The following MOB3A variants were observed in gnomAD, a reference collection of about 807,000 sequenced individuals.
MOB3A encodes the protein MOB LAK.
In MOB3A, 17 loss-of-function variants were observed where a neutral mutation model predicts 17.8. The ratio of observed to expected loss-of-function variants is 0.95; its 90% confidence interval spans 0.65 to 1.43. The LOEUF is 1.43. Ranked by LOEUF, MOB3A falls within the 40% of genes most tolerant of loss-of-function variation. The pLI, the probability that MOB3A is intolerant of heterozygous loss-of-function variation, is 0.00. For synonymous variants in MOB3A, 124 were observed against 133.2 expected, an observed-to-expected ratio of 0.93 and a Z score of 0.48; for missense variants, 333 against 310.8, an observed-to-expected ratio of 1.07 and a Z score of -0.54.
chr19:2,085,682 G>C (rs2144931677), intron 1 of MOB3A: 1 of 152,302 alleles, frequency 6.6e-6, no homozygotes, highest in South Asian at 2.1e-4. Flanking sequence ...TGCTAAAAAA[G>C]GCGCTGGGCG....
intron 1 of MOB3A, among the ~76,000 whole-genome samples, chr19:2,087,815 A>G (rs2017569930): frequency 6.6e-6 from 1 of 152,244 alleles, no homozygotes; most frequent in Non-Finnish European, 1.5e-5. Context: ...CCAAGCTACC[A>G]TCCCAACCCA....
At chr19:2,092,551 C>G (rs1470692087) in intron 1 of MOB3A, among the ~76,000 whole-genome samples, 1 of 151,890 alleles carries the variant, frequency 6.6e-6, no homozygotes, top group Admixed American at 6.6e-5. Context: ...CTGAGGCAGG[C>G]AGACTGCCTG....
At chr19:2,076,458 A>AAAC (rs1568251328) in intron 4 of MOB3A, among the ~76,000 whole-genome samples, 66 of 152,070 alleles carry the variant, frequency 4.3e-4, no homozygotes, top group Non-Finnish European at 7.8e-4. Context: ...AACAAACAAA[A>AAAC]AAAGTCGGGG....
intron 4 of MOB3A, 66 bp from the exon 5 acceptor site, chr19:2,073,490 G>A: frequency 1.2e-6 from 2 of 1,602,600 alleles, no homozygotes; most frequent in South Asian, 1.1e-5. Flanking sequence ...GCGAACAGCA[G>A]ACACACGGAG....
intron 2 of MOB3A, among the ~76,000 whole-genome samples, chr19:2,080,672 G>C (rs924778941): frequency 3.3e-5 from 5 of 152,132 alleles, no homozygotes; most frequent in Non-Finnish European, 7.3e-5. Context: ...CACCGCGCCC[G>C]GCTGTGTTGC....
At chr19:2,077,325 C>T (rs2017425219) in intron 3 of MOB3A, among the ~76,000 whole-genome samples, 1 of 151,890 alleles carries the variant, frequency 6.6e-6, no homozygotes, top group African/African-American at 2.4e-5. Flanking sequence ...TCGCTTGAAC[C>T]TGGGAGGTAG....
chr19:2,074,515 G>A (rs1400660606), intron 4 of MOB3A, among the ~76,000 whole-genome samples: 2 of 151,930 alleles, frequency 1.3e-5, no homozygotes, highest in African/African-American at 2.4e-5. Flanking sequence ...GCCTGAAAGG[G>A]GATGCACAAA....
intron 3 of MOB3A, among the ~76,000 whole-genome samples, chr19:2,077,543 C>G (rs1011338901): frequency 2.0e-5 from 3 of 152,108 alleles, no homozygotes; most frequent in African/African-American, 7.2e-5. Context: ...GGCAGGGGGT[C>G]CCGCCAACGG....
chr19:2,077,265 G>A (rs2017424246), intron 3 of MOB3A, among the ~76,000 whole-genome samples: 1 of 152,108 alleles, frequency 6.6e-6, no homozygotes, highest in Non-Finnish European at 1.5e-5. Context: ...AGCCGGGTGT[G>A]GTGGCTCATG....
chr19:2,082,301 G>A lies in MOB3A; in HGVS notation c.-120+2874C>T, dbSNP rs1240859082. On this transcript the variant is annotated intron_variant, in intron 2 of 4. Coordinates refer to ENST00000357066, the MANE Select transcript of MOB3A (RefSeq NM_130807.3). This position sits in a 1 kb window ranked among gnomAD's most constrained non-coding sequence, Gnocchi z 4.1. ...TCGTTCTCTGGGGTGGGGCCGTCAG[G>A]GGCACTGCAAGGTGCTGAGCGGCAT... 6.6e-6 allele frequency among the ~76,000 whole-genome samples: 1 copy of A among 152,244 alleles called. No homozygotes were observed. Among genetic ancestry groups the A allele is most frequent in the Non-Finnish European group, 1.5e-5 (1 of 68,044 alleles).
rs545697091 is a variant in MOB3A at position 2,094,606 on chromosome 19, C to T, written c.-274+1620G>A. ...AGCTCCTCAGCTCTGCGTCCCAGCG[C>T]CTCTTCCGTAAAAGGGAAGCCCCTG... On this transcript the variant is annotated intron_variant, in intron 1 of 4. Coordinates refer to ENST00000357066, the MANE Select transcript of MOB3A (RefSeq NM_130807.3). 3.9e-5 allele frequency among the ~76,000 whole-genome samples: 6 copies of T among 152,354 alleles called. No individual in the cohort carries two copies. In the East Asian group the frequency reaches 1.2e-3, roughly 29 times the overall value.
At chr19:2,095,243 C>G (rs545485240) in intron 1 of MOB3A, 221 of 152,588 alleles carry the variant, frequency 1.4e-3, no homozygotes, top group Non-Finnish European at 2.3e-3. Flanking sequence ...AATCTTACCC[C>G]CAGGATGAGC....
intron 1 of MOB3A, among the ~76,000 whole-genome samples, chr19:2,095,772 C>G (rs1457299456): frequency 6.6e-6 from 1 of 150,806 alleles, no homozygotes; most frequent in African/African-American, 2.4e-5. Flanking sequence ...TTTTTTTTCC[C>G]CCGCTCTGGT....
At chr19:2,087,948 G>C (rs1014185251) in intron 1 of MOB3A, among the ~76,000 whole-genome samples, 1 of 152,224 alleles carries the variant, frequency 6.6e-6, no homozygotes, top group African/African-American at 2.4e-5. Context: ...TGAACGTGGG[G>C]GCAGGAGCCA....
chr19:2,088,439 G>A (rs2144935536), intron 1 of MOB3A, among the ~76,000 whole-genome samples: 1 of 152,240 alleles, frequency 6.6e-6, no homozygotes, highest in East Asian at 1.9e-4. Flanking sequence ...GCGTAGCTGG[G>A]ACTCCTGGCG....
chr19:2,076,716 C>G (rs965345201), intron 4 of MOB3A, 95 bp downstream of exon 4: 22 of 1,319,264 alleles, frequency 1.7e-5, no homozygotes, highest in Non-Finnish European at 2.3e-5. Context: ...CTGGGCCGAC[C>G]GCAAGCAGTC....
chr19:2,094,991 C>G (rs990972488), intron 1 of MOB3A, among the ~76,000 whole-genome samples: 2 of 152,050 alleles, frequency 1.3e-5, no homozygotes, highest in Non-Finnish European at 2.9e-5. Context: ...GCCAACATGG[C>G]GAAACTCCGT....
chr19:2,078,066 G>A (rs2017435020), intron 3 of MOB3A, 74 bp downstream of exon 3: 2 of 1,419,942 alleles, frequency 1.4e-6, no homozygotes, highest in African/African-American at 2.9e-5. Flanking sequence ...TTACGGGTGT[G>A]AGCCACTGTG....
At chr19:2,089,204 G>A (rs552799442) in intron 1 of MOB3A, among the ~76,000 whole-genome samples, 65 of 152,302 alleles carry the variant, frequency 4.3e-4, no homozygotes, top group African/African-American at 1.4e-3. Context: ...ACCTGCTCTC[G>A]TGAAACTCAT....
Sources: allele counts gnomAD v4.1 joint callset (sites outside exome capture counted in the v4.1 genomes callset), GRCh38; gene constraint gnomAD v4.1.1; non-coding constraint Gnocchi (gnomAD v3.1); transcripts MANE v1.5; gene names NCBI Gene and HGNC (gene_info 2026-07-23, HGNC 2026-07-21).